Variants in IRAK1BP1 observed in about 807,000 individuals in gnomAD.
The protein encoded by IRAK1BP1 is interleukin 1 receptor associated kinase 1 binding protein 1.
A neutral mutation model predicts 28.0 loss-of-function variants in IRAK1BP1; 24 were observed. The observed-to-expected ratio is 0.86, with a 90% CI of 0.62 to 1.20. IRAK1BP1 has a LOEUF of 1.20. IRAK1BP1 is among the 50% of genes most tolerant of loss of function. IRAK1BP1 has a pLI of 0.00. For synonymous variants in IRAK1BP1, 131 were observed against 116.3 expected (o/e 1.13, Z -0.81); for missense variants, 336 against 316.7 (o/e 1.06, Z -0.46).
intron 1 of IRAK1BP1, chr6:78,872,120 G>A: frequency 2.8e-6 from 2 of 701,836 alleles, no homozygotes; most frequent in Admixed American, 2.0e-5. Context: ...ACCCCTTGGG[G>A]TCGGATAATT....
At chr6:78,897,316 C>T (rs1771922746) in intron 2 of IRAK1BP1, among the ~76,000 whole-genome samples, 1 of 148,924 alleles carries the variant, frequency 6.7e-6, no homozygotes, top group Non-Finnish European at 1.5e-5. Flanking sequence ...ACTTAACAGA[C>T]CGGTTTTAAA....
rs1770638187 is a variant in IRAK1BP1, at chr6:78,867,864, G to T, written c.288G>T (p.Thr96=). The T allele has an allele frequency of 6.2e-7, 1 of 1,603,302 alleles. No homozygotes were observed. Among genetic ancestry groups the T allele is most frequent in the African/African-American group, 1.3e-5 (1 of 74,660 alleles). Residue 96 remains threonine (T), a synonymous_variant, in exon 1 of 4, where the codon ACG becomes ACT. Coordinates refer to ENST00000369940, the MANE Select transcript of IRAK1BP1 (RefSeq NM_001010844.4). ...KSVCRRLDYI[T]QSLQQQGVQA... is the part of the protein sequence containing the mutation. ...TTTGTCGCCGTCTAGATTACATCAC[G>T]CAGAGCCTCCAGCAGCAGGGCGTGC...
At chr6:78,938,674 ATAGT>A (rs1162110972) in intron 4 of IRAK1BP1, 2 of 151,668 alleles carry the variant, frequency 1.3e-5, no homozygotes, top group African/African-American at 2.4e-5. Flanking sequence ...TTTTAATTTT[ATAGT>A]TAAATATATT....
chr6:78,907,855 G>A (rs1000433597), downstream of IRAK1BP1, among the ~76,000 whole-genome samples: 1 of 151,548 alleles, frequency 6.6e-6, no homozygotes, highest in Non-Finnish European at 1.5e-5. Context: ...CAGTAGCTGG[G>A]ACTACAGGCG....
At chr6:78,942,881 A>C (rs572710380) in intron 4 of IRAK1BP1, among the ~76,000 whole-genome samples, 39 of 152,318 alleles carry the variant, frequency 2.6e-4, no homozygotes, top group South Asian at 6.2e-4. Flanking sequence ...TTTATAAAGC[A>C]ATATATAATG....
intron 1 of IRAK1BP1, among the ~76,000 whole-genome samples, chr6:78,875,027 G>A (rs531465615): frequency 1.3e-5 from 2 of 152,012 alleles, no homozygotes; most frequent in African/African-American, 2.4e-5. Flanking sequence ...AATCCTATAA[G>A]GAATAAGCAG....
chr6:78,947,822 C>T, downstream of IRAK1BP1: 1 of 1,359,464 alleles, frequency 7.4e-7, no homozygotes. Flanking sequence ...CTACACAAAG[C>T]ATCACTTCTC....
At chr6:78,893,584 C>T (rs1226593286) in intron 2 of IRAK1BP1, among the ~76,000 whole-genome samples, 1 of 151,918 alleles carries the variant, frequency 6.6e-6, no homozygotes, top group African/African-American at 2.4e-5. Context: ...ATATAAATCT[C>T]TTTAGAAATC....
the IRAK1BP1 span, among the ~76,000 whole-genome samples, chr6:78,960,490 A>G: frequency 6.7e-6 from 1 of 149,428 alleles, no homozygotes; most frequent in Non-Finnish European, 1.5e-5. Context: ...AACACCTGAT[A>G]TTGAAAAAGA....
chr6:78,956,382 T>A, the IRAK1BP1 span: 1 of 152,272 alleles, frequency 6.6e-6, no homozygotes, highest in East Asian at 1.9e-4. Context: ...TAAGCCCTCA[T>A]CAACTCTTAG....
intron 4 of IRAK1BP1, among the ~76,000 whole-genome samples, chr6:78,924,882 G>A (rs980071651): frequency 2.6e-5 from 4 of 152,052 alleles, no homozygotes; most frequent in East Asian, 1.9e-4. Flanking sequence ...TGTTTATTGC[G>A]GCACTATTCA....
intron 2 of IRAK1BP1, 32 bp from the exon 3 acceptor site, chr6:78,897,797 A>G: frequency 1.3e-6 from 2 of 1,596,372 alleles, no homozygotes; most frequent in African/African-American, 2.7e-5. Context: ...TACATCAGAC[A>G]TGAAAATAAT....
At chr6:78,966,539 A>G in the IRAK1BP1 span, among the ~76,000 whole-genome samples, 81 of 152,310 alleles carry the variant, frequency 5.3e-4, no homozygotes, top group African/African-American at 1.8e-3. Flanking sequence ...CTTCATCTCA[A>G]TCACCCTTAA....
At chr6:78,947,804 G>A (rs1156865193), downstream of IRAK1BP1, 1 of 1,523,348 alleles carries the variant, frequency 6.6e-7, no homozygotes, top group African/African-American at 1.4e-5. Context: ...GTGGTGTTAT[G>A]ATTATTACTA....
At chr6:78,961,444 G>T in the IRAK1BP1 span, among the ~76,000 whole-genome samples, 1 of 151,920 alleles carries the variant, frequency 6.6e-6, no homozygotes, top group Non-Finnish European at 1.5e-5. Context: ...CTGTATCTAG[G>T]ATCTAGGAAT....
chr6:78,903,390 C>G (rs1772171258), downstream of IRAK1BP1, among the ~76,000 whole-genome samples: 1 of 151,870 alleles, frequency 6.6e-6, no homozygotes, highest in Non-Finnish European at 1.5e-5. Flanking sequence ...ACTCGGGAGG[C>G]TGAGACATGA....
At chr6:78,893,524 T>C (rs369087372) in intron 2 of IRAK1BP1, among the ~76,000 whole-genome samples, 2 of 151,904 alleles carry the variant, frequency 1.3e-5, no homozygotes, top group East Asian at 3.9e-4. Flanking sequence ...TAGGAATTTA[T>C]ACAAAGGACT....
chr6:78,976,145 C>G, the IRAK1BP1 span, among the ~76,000 whole-genome samples: 1 of 149,802 alleles, frequency 6.7e-6, no homozygotes, highest in Non-Finnish European at 1.5e-5. Flanking sequence ...CTACAGTAAC[C>G]AAAACAGCAT....
the IRAK1BP1 span, among the ~76,000 whole-genome samples, chr6:78,959,164 T>C: frequency 1.1e-4 from 17 of 152,196 alleles, no homozygotes; most frequent in African/African-American, 4.1e-4. Flanking sequence ...AATGCTAAAA[T>C]AAAATCTGGA....
Sources: allele counts gnomAD v4.1 joint callset (sites outside exome capture counted in the v4.1 genomes callset), GRCh38; gene constraint gnomAD v4.1.1; transcripts MANE v1.5; gene names NCBI Gene and HGNC (gene_info 2026-07-23, HGNC 2026-07-21).